LAMC1: variants seen among roughly 807,000 people sequenced by gnomAD.
The protein encoded by LAMC1 is laminin subunit gamma-1.
Under a neutral mutation model 173.6 loss-of-function variants are expected in LAMC1, and 38 were observed. The ratio of observed to expected loss-of-function variants is 0.22; its 90% CI spans 0.17 to 0.29. LAMC1 has a LOEUF of 0.29. Among genes scored for constraint, LAMC1 ranks in the 10% least tolerant of loss-of-function variants. The probability of loss-of-function intolerance (pLI) is 1.00; values close to 1 mark genes in which losing one functional copy is unlikely to be tolerated. For missense variants in LAMC1, 1,824 were observed against 2,051.8 expected (o/e 0.89, Z 2.14); for synonymous variants, 746 against 749.1 (o/e 1.00, Z 0.07).
Position 183,023,587 on chromosome 1 carries a change from C to T in LAMC1, c.-130C>T. 1 of 643,470 alleles carries T rather than the reference C, an allele frequency of 1.6e-6. No homozygotes were observed. The highest frequency in any genetic ancestry group is 2.1e-6 in the Non-Finnish European group (1 of 486,598). 39.9% of individuals were successfully genotyped at this position (643,470 alleles called of 1,614,324 possible). ...TCTCTCCGGCGCGAGCCGCCGCCACCGCCCGCGCCGGAGTCAGGCCCCTGG... is the reference window on the plus strand; with the variant it reads ...TCTCTCCGGCGCGAGCCGCCGCCACTGCCCGCGCCGGAGTCAGGCCCCTGG... On this transcript the variant is annotated 5_prime_UTR_variant, in exon 1 of 28. Transcript: ENST00000258341.
At chr1:183,124,587 G>C in intron 13 of LAMC1, 44 bp from the exon 14 acceptor site, 1 of 1,611,492 alleles carries the variant, frequency 6.2e-7, no homozygotes, top group East Asian at 2.2e-5. Flanking sequence ...CACCAAAAAT[G>C]TCTAAGGCCT....
At chr1:183,028,156 C>T (rs1042739125) in intron 1 of LAMC1, among the ~76,000 whole-genome samples, 1 of 151,720 alleles carries the variant, frequency 6.6e-6, no homozygotes, top group African/African-American at 2.4e-5. Context: ...GCATTCCTCC[C>T]CCCCCCCACC....
chr1:183,086,878 T>C (rs1449016801), intron 1 of LAMC1, among the ~76,000 whole-genome samples: 1 of 152,218 alleles, frequency 6.6e-6, no homozygotes, highest in Non-Finnish European at 1.5e-5. Flanking sequence ...TCTAGAACAT[T>C]ACTATGAGAA....
At chr1:183,028,612 C>A (rs1035417585) in intron 1 of LAMC1, among the ~76,000 whole-genome samples, 2 of 152,250 alleles carry the variant, frequency 1.3e-5, no homozygotes, top group African/African-American at 4.8e-5. Context: ...TTCGTTCTTG[C>A]AGCTTGCAGC....
At chr1:183,110,365 C>T in intron 3 of LAMC1, 123 bp from the exon 4 acceptor site, 2 of 672,044 alleles carry the variant, frequency 3.0e-6, no homozygotes, top group Non-Finnish European at 4.9e-6. Flanking sequence ...CTTAATCTTG[C>T]TCAGTTCCCC....
At position 183,055,319 on chromosome 1, in the gene LAMC1, G is replaced by A. The variant is rs142076114; in HGVS notation, c.418+31185G>A. 3.6e-3 allele frequency among the ~76,000 whole-genome samples: 543 copies of A among 151,972 alleles called. 5 individuals carry two copies. The highest frequency in any genetic ancestry group is 0.012 in the African/African-American group (512 of 41,436). On this transcript the variant is annotated intron_variant, in intron 1 of 27. Coordinates refer to ENST00000258341, the MANE Select transcript of LAMC1 (RefSeq NM_002293.4). ...CCTTTCTTTATCATTTCTCTTCCTAGTGTGTGAAATGTGGCGATAGATGTT... is the reference window on the plus strand; with the variant it reads ...CCTTTCTTTATCATTTCTCTTCCTAATGTGTGAAATGTGGCGATAGATGTT...
In LAMC1 at chr1:183,042,964, C is replaced by G. The variant is rs143445900; in HGVS notation, c.418+18830C>G. Among the ~76,000 whole-genome samples the G allele has an allele frequency of 4.6e-3, 698 of 152,286 alleles. 6 individuals carry two copies. The highest frequency in any genetic ancestry group is 0.023 in the South Asian group (112 of 4,820). On this transcript the variant is annotated intron_variant, in intron 1 of 27. Transcript: ENST00000258341. ...GGTGTTTACCTTCAGCTGTGACAGACCAATCAGAGCTGTTTTAAAATCCAG... is the reference window on the plus strand; with the variant it reads ...GGTGTTTACCTTCAGCTGTGACAGAGCAATCAGAGCTGTTTTAAAATCCAG...
At chr1:183,133,784 C>T (rs1372445725) in intron 22 of LAMC1, among the ~76,000 whole-genome samples, 3 of 152,086 alleles carry the variant, frequency 2.0e-5, no homozygotes, top group Non-Finnish European at 4.4e-5. Context: ...AGTTCAAGAC[C>T]AGCCTGGTCA....
At chr1:183,089,315 T>G (rs747122165) in intron 1 of LAMC1, among the ~76,000 whole-genome samples, 1 of 152,336 alleles carries the variant, frequency 6.6e-6, no homozygotes, top group Middle Eastern at 3.4e-3. Context: ...TATCACTGTT[T>G]AATGTTTGCT....
intron 1 of LAMC1, among the ~76,000 whole-genome samples, chr1:183,091,079 T>A (rs973858684): frequency 6.6e-6 from 1 of 152,216 alleles, no homozygotes; most frequent in African/African-American, 2.4e-5. Flanking sequence ...TGTAATGGAA[T>A]TAAATCTTAT....
At chr1:183,106,177 C>T (rs980104843) in intron 2 of LAMC1, among the ~76,000 whole-genome samples, 2 of 152,030 alleles carry the variant, frequency 1.3e-5, no homozygotes, top group Non-Finnish European at 2.9e-5. Context: ...GGGGTCTGTT[C>T]TTTAAAGATG....
chr1:183,044,572 T>G lies in LAMC1; in HGVS notation c.418+20438T>G, dbSNP rs1654217419. Reference sequence around the variant, plus strand: ...ACTGACAGAGAAACCTAGGACTAAATTAAAAAAATATATCCAGGCCATGGC... The same window carrying G: ...ACTGACAGAGAAACCTAGGACTAAAGTAAAAAAATATATCCAGGCCATGGC... On this transcript the variant is annotated intron_variant, in intron 1 of 27. Transcript: ENST00000258341. Among the ~76,000 whole-genome samples, 12 of 152,154 alleles carry G rather than the reference T, an allele frequency of 7.9e-5. No homozygotes were observed. In the South Asian group the frequency reaches 2.3e-3, roughly 29 times the overall value.
chr1:183,117,012 CTT>C (rs1278285397), intron 8 of LAMC1, 109 bp downstream of exon 8: 20 of 1,122,116 alleles, frequency 1.8e-5, no homozygotes, highest in Non-Finnish European at 6.4e-6. Flanking sequence ...GTTGGCAACA[CTT>C]TGTATTATTT....
intron 13 of LAMC1, 52 bp downstream of exon 13, chr1:183,122,303 TA>T (rs1656499182): frequency 1.9e-6 from 3 of 1,547,240 alleles, no homozygotes; most frequent in Non-Finnish European, 2.7e-6. Flanking sequence ...TAAAAAGACC[TA>T]GGGGAAAGGG....
chr1:183,122,394 T>G, intron 13 of LAMC1, 143 bp downstream of exon 13: 1 of 732,726 alleles, frequency 1.4e-6, no homozygotes. Context: ...TGAGGCTCAC[T>G]CTCCTTGTTT....
rs1268411510 is a variant in LAMC1 at position 183,144,207 on chromosome 1, C to G, written c.*1417C>G. 2 of 152,518 alleles carry G rather than the reference C, an allele frequency of 1.3e-5. No individual in the cohort carries two copies. The highest frequency in any genetic ancestry group is 2.9e-5 in the Non-Finnish European group (2 of 68,032). The allele number at this position is 152,518 out of a possible 1,614,324, so 9.4% of individuals were successfully genotyped here. ...TAACACTATGCAACTTTGTACTTTG[C>G]GTAGCAGGGGCGGGGTGGGGGGAAA... On this transcript the variant is annotated 3_prime_UTR_variant, in exon 28 of 28. Coordinates refer to ENST00000258341, the MANE Select transcript of LAMC1 (RefSeq NM_002293.4).
At chr1:183,034,182 G>A (rs895066148) in intron 1 of LAMC1, among the ~76,000 whole-genome samples, 1 of 152,194 alleles carries the variant, frequency 6.6e-6, no homozygotes, top group Non-Finnish European at 1.5e-5. Flanking sequence ...TATGATAGAT[G>A]TTGAAGATAC....
At chr1:183,087,559 T>C (rs1280751327) in intron 1 of LAMC1, among the ~76,000 whole-genome samples, 2 of 152,196 alleles carry the variant, frequency 1.3e-5, no homozygotes, top group Non-Finnish European at 2.9e-5. Flanking sequence ...CCCCACACAC[T>C]GGGCCTCAGT....
intron 23 of LAMC1, 114 bp downstream of exon 23, chr1:183,134,923 G>C: frequency 1.5e-6 from 2 of 1,353,636 alleles, no homozygotes; most frequent in South Asian, 2.4e-5. Flanking sequence ...TGAGAGAGCA[G>C]CCTAACAGAT....
Sources: gnomAD v4.1 joint callset for allele counts (sites outside exome capture counted in the v4.1 genomes callset) on GRCh38, gnomAD v4.1.1 for gene constraint, MANE v1.5 for transcripts, NCBI Gene and HGNC (gene_info 2026-07-23, HGNC 2026-07-21) for gene names.